CNTNAP2: variants seen among roughly 807,000 people sequenced by gnomAD.
CNTNAP2 encodes contactin-associated protein-like 2.
A neutral mutation model predicts 155.2 loss-of-function variants in CNTNAP2; 98 were observed. The observed-to-expected ratio is 0.63, with a 90% CI of 0.54 to 0.75. CNTNAP2 has a LOEUF of 0.75. Among genes scored for constraint, CNTNAP2 ranks in the 30% least tolerant of loss-of-function variants. The pLI is 0.00. For missense variants in CNTNAP2, 1,727 were observed against 1,688.1 expected, an observed-to-expected ratio of 1.02 and a Z score of -0.40; for synonymous variants, 651 against 631.2, an observed-to-expected ratio of 1.03 and a Z score of -0.47.
rs1221060531 is a variant in CNTNAP2, at chr7:147,037,442, G to GT, written c.403-6455dup. 7.8e-4 allele frequency among the ~76,000 whole-genome samples: 93 copies of GT among 119,796 alleles called. 1 individual carries two copies. The highest frequency in any genetic ancestry group is 3.3e-3 in the South Asian group (12 of 3,640). 78.6% of individuals were successfully genotyped at this position (119,796 alleles called of 152,430 possible). ...TACTAGGTATTCGACATCCAGTTTTGTTTTTTTTTTCCCTTTTTTTTTTTT... is the reference window on the plus strand; with the variant it reads ...TACTAGGTATTCGACATCCAGTTTTGTTTTTTTTTTTCCCTTTTTTTTTTTT... On this transcript the variant is annotated intron_variant, in intron 3 of 23. Transcript: ENST00000361727.
intron 22 of CNTNAP2, among the ~76,000 whole-genome samples, chr7:148,396,013 G>T (rs990682910): frequency 2.0e-5 from 3 of 151,916 alleles, no homozygotes; most frequent in Non-Finnish European, 4.4e-5. Context: ...TCCACCCTCC[G>T]ACCCCCACCC....
chr7:147,223,259 C>T (rs1307183194), intron 8 of CNTNAP2, among the ~76,000 whole-genome samples: 1 of 152,148 alleles, frequency 6.6e-6, no homozygotes, highest in Non-Finnish European at 1.5e-5. Flanking sequence ...AGGGAGGACT[C>T]TAAACATTTC....
intron 1 of CNTNAP2, among the ~76,000 whole-genome samples, chr7:146,345,279 C>T (rs1328335380): frequency 6.6e-6 from 1 of 152,128 alleles, no homozygotes. Flanking sequence ...AATCACTTTG[C>T]ATTTTTTCTC....
chr7:147,189,934 T>C (rs921518727), intron 8 of CNTNAP2, among the ~76,000 whole-genome samples: 4 of 152,088 alleles, frequency 2.6e-5, no homozygotes, highest in Middle Eastern at 3.2e-3. Context: ...TTAGTAGAGA[T>C]GGGGTTTCAC....
chr7:147,395,506 G>A, intron 9 of CNTNAP2, 103 bp from the exon 10 acceptor site: 1 of 1,105,336 alleles, frequency 9.0e-7, no homozygotes, highest in South Asian at 1.3e-5. Flanking sequence ...TAAAGAAACA[G>A]TAGTTGGATG....
At chr7:147,712,671 A>C (rs1196271670) in intron 13 of CNTNAP2, among the ~76,000 whole-genome samples, 1 of 152,110 alleles carries the variant, frequency 6.6e-6, no homozygotes, top group Non-Finnish European at 1.5e-5. Context: ...GCATGTTCTC[A>C]CTCATAGGTG....
intron 14 of CNTNAP2, among the ~76,000 whole-genome samples, chr7:147,943,264 T>C (rs1269886629): frequency 6.6e-6 from 1 of 152,192 alleles, no homozygotes; most frequent in Non-Finnish European, 1.5e-5. Flanking sequence ...TGTAACTTTA[T>C]TTATTTTACT....
chr7:146,556,719 C>A (rs796310698), intron 1 of CNTNAP2, among the ~76,000 whole-genome samples: 4 of 152,074 alleles, frequency 2.6e-5, no homozygotes, highest in South Asian at 2.1e-4. Context: ...AGAATGGCTG[C>A]CATGGTTTAT....
intron 1 of CNTNAP2, among the ~76,000 whole-genome samples, chr7:146,120,476 A>T (rs1045773844): frequency 6.6e-6 from 1 of 152,292 alleles, no homozygotes; most frequent in South Asian, 2.1e-4. Context: ...GGGCAAAAAA[A>T]TTAATCCACA....
chr7:148,316,122 A>T (rs1797684230), intron 21 of CNTNAP2, among the ~76,000 whole-genome samples: 1 of 152,162 alleles, frequency 6.6e-6, no homozygotes, highest in South Asian at 2.1e-4. Flanking sequence ...AGTCCTGAAC[A>T]CCCAGGGGTT....
chr7:147,694,289 T>G (rs1046625884), intron 13 of CNTNAP2, among the ~76,000 whole-genome samples: 3 of 152,124 alleles, frequency 2.0e-5, no homozygotes, highest in Non-Finnish European at 2.9e-5. Context: ...ACATCTATAT[T>G]CATGAGAGAT....
chr7:146,868,955 C>T (rs1041560274), intron 3 of CNTNAP2, among the ~76,000 whole-genome samples: 1 of 152,162 alleles, frequency 6.6e-6, no homozygotes, highest in Non-Finnish European at 1.5e-5. Flanking sequence ...ATCATGTCAC[C>T]TGCAAACAGA....
At chr7:147,802,163 C>T (rs1169193648) in intron 13 of CNTNAP2, among the ~76,000 whole-genome samples, 2 of 146,894 alleles carry the variant, frequency 1.4e-5, no homozygotes, top group African/African-American at 5.1e-5. Flanking sequence ...AGAGGCGCTC[C>T]TCACATCCCA....
At chr7:147,862,561 A>T (rs557381600) in intron 13 of CNTNAP2, among the ~76,000 whole-genome samples, 2 of 152,188 alleles carry the variant, frequency 1.3e-5, no homozygotes, top group South Asian at 4.1e-4. Flanking sequence ...TTCAGCTTAA[A>T]ATCTTTATAA....
chr7:146,651,313 TAAAC>T (rs754169099), intron 1 of CNTNAP2, among the ~76,000 whole-genome samples: 3 of 152,256 alleles, frequency 2.0e-5, no homozygotes, highest in East Asian at 1.9e-4. Flanking sequence ...AGGATCATAA[TAAAC>T]AAACCCTTAA....
intron 1 of CNTNAP2, among the ~76,000 whole-genome samples, chr7:146,382,648 T>G (rs570487548): frequency 6.6e-6 from 1 of 152,254 alleles, no homozygotes; most frequent in African/African-American, 2.4e-5. Flanking sequence ...AACCTGACCA[T>G]GGAGATGCAT....
chr7:147,805,747 G>C (rs10085813), intron 13 of CNTNAP2, among the ~76,000 whole-genome samples: 2,161 of 152,212 alleles, frequency 0.014, 50 homozygotes, highest in African/African-American at 0.049. Context: ...TGCATTTGTT[G>C]AGCCATCCTT....
chr7:147,480,040 T>C (rs1442654576), intron 10 of CNTNAP2, among the ~76,000 whole-genome samples: 2 of 152,224 alleles, frequency 1.3e-5, no homozygotes, highest in East Asian at 1.9e-4. Context: ...GAAATAAAAG[T>C]ACTCAAATAT....
intron 8 of CNTNAP2, among the ~76,000 whole-genome samples, chr7:147,183,010 T>G (rs1214608141): frequency 1.3e-5 from 2 of 152,218 alleles, no homozygotes; most frequent in Non-Finnish European, 2.9e-5. Context: ...TTCATTTTAA[T>G]CTAATTTCAT....
Sources: allele counts gnomAD v4.1 joint callset (sites outside exome capture counted in the v4.1 genomes callset), GRCh38; gene constraint gnomAD v4.1.1; transcripts MANE v1.5; gene names NCBI Gene and HGNC (gene_info 2026-07-23, HGNC 2026-07-21).